Variants in NRXN1 observed in about 807,000 individuals in gnomAD.
The protein encoded by NRXN1 is neurexin-1.
Under a neutral mutation model 150.9 loss-of-function variants are expected in NRXN1, and 39 were observed. The observed-to-expected ratio is 0.26, with a 90% CI of 0.20 to 0.34. The LOEUF (loss-of-function observed/expected upper bound fraction) is 0.34. NRXN1 is among the 10% of genes least tolerant of loss of function. NRXN1 has a pLI of 1.00. For synonymous variants in NRXN1, 924 were observed against 757.0 expected (o/e 1.22, Z -3.62); for missense variants, 1,815 against 1,949.9 (o/e 0.93, Z 1.30).
chr2:49,976,855 A>G (rs183416408), intron 21 of NRXN1, among the ~76,000 whole-genome samples: 1 of 152,298 alleles, frequency 6.6e-6, no homozygotes. Flanking sequence ...TGATTTGTAT[A>G]TTTACCCAGA....
At chr2:50,104,550 C>G (rs533915560) in intron 18 of NRXN1, among the ~76,000 whole-genome samples, 1 of 151,904 alleles carries the variant, frequency 6.6e-6, no homozygotes, top group South Asian at 2.1e-4. Flanking sequence ...GCAGCAGATG[C>G]GTGATGATGA....
Position 50,056,591 on chromosome 2 carries a change from A to G in NRXN1, c.3719-1547T>C, listed in dbSNP as rs565298189. Among the ~76,000 whole-genome samples the G allele has an allele frequency of 3.3e-5, 5 of 152,262 alleles. No individual in the cohort carries two copies. In the South Asian group the frequency reaches 8.3e-4, roughly 25 times the overall value. On this transcript the variant is annotated intron_variant, in intron 19 of 22. Coordinates refer to ENST00000401669, the MANE Select transcript of NRXN1 (RefSeq NM_001330078.2). The stretch of plus-strand genomic sequence containing the variant: ...TAATAATTTTTTTAAAAGGACACAA[A>G]TGGTACAAAATTCCAACCCTGTCTT...
At chr2:50,557,316 A>G (rs1402029530) in intron 8 of NRXN1, among the ~76,000 whole-genome samples, 2 of 152,222 alleles carry the variant, frequency 1.3e-5, no homozygotes, top group Non-Finnish European at 2.9e-5. Flanking sequence ...AAGACTTTTC[A>G]TTACTTAACT....
intron 19 of NRXN1, among the ~76,000 whole-genome samples, chr2:50,055,628 T>C (rs1693475470): frequency 6.6e-6 from 1 of 152,182 alleles, no homozygotes; most frequent in Non-Finnish European, 1.5e-5. Context: ...CAAATTGATT[T>C]ATCAATCACT....
chr2:49,976,680 A>G (rs991085894), intron 21 of NRXN1, among the ~76,000 whole-genome samples: 7 of 152,140 alleles, frequency 4.6e-5, no homozygotes, highest in African/African-American at 1.7e-4. Context: ...GGTTCTGGCA[A>G]TCTCTGCTGA....
intron 15 of NRXN1, among the ~76,000 whole-genome samples, chr2:50,488,519 G>A (rs1184536311): frequency 2.6e-5 from 4 of 152,180 alleles, no homozygotes; most frequent in African/African-American, 9.6e-5. Flanking sequence ...AGCCCCAGTA[G>A]AGACCAAGTG....
chr2:49,978,668 G>A (rs1216947236), intron 21 of NRXN1, among the ~76,000 whole-genome samples: 24 of 147,352 alleles, frequency 1.6e-4, no homozygotes, highest in African/African-American at 5.3e-4. Flanking sequence ...GGGAGGGAGG[G>A]CAGAGGAGAG....
chr2:50,376,817 C>A (rs954043392), intron 17 of NRXN1, among the ~76,000 whole-genome samples: 8 of 152,074 alleles, frequency 5.3e-5, no homozygotes, highest in African/African-American at 1.9e-4. Context: ...AACTTAACAA[C>A]CATTCCAATC....
chr2:50,182,141 C>A (rs6712102), intron 18 of NRXN1, among the ~76,000 whole-genome samples: 34,626 of 136,118 alleles, frequency 0.25, 5,083 homozygotes, highest in East Asian at 0.42. Context: ...TAGATTTTAT[C>A]AAAACCATAT....
chr2:49,993,045 A>G (rs1211582760), intron 21 of NRXN1, among the ~76,000 whole-genome samples: 1 of 152,202 alleles, frequency 6.6e-6, no homozygotes, highest in East Asian at 1.9e-4. Flanking sequence ...CAATCCAGCA[A>G]TCACTCTGCT....
intron 8 of NRXN1, among the ~76,000 whole-genome samples, chr2:50,599,767 G>T (rs966757086): frequency 6.6e-6 from 1 of 152,160 alleles, no homozygotes; most frequent in African/African-American, 2.4e-5. Flanking sequence ...GAAACGCCTG[G>T]ATGTTTCCTA....
chr2:50,894,979 T>C lies in NRXN1; in HGVS notation c.832+26890A>G, dbSNP rs76076632. ...CTCCTTCATGTTATTCCATATCTCA[T>C]GCTTACATCAAATGCAATTACTACT... On this transcript the variant is annotated intron_variant, in intron 5 of 22. Transcript: ENST00000401669. 8.4e-3 allele frequency among the ~76,000 whole-genome samples: 1,276 copies of C among 152,294 alleles called. 20 individuals carry two copies. The highest frequency in any genetic ancestry group is 0.03 in the African/African-American group (1,228 of 41,556).
rs184870922 is a variant in NRXN1, at chr2:49,921,371, T to G, written c.*573A>C. ...CACAACCAGAAAGGGGCTTTTTGAATGTGTTCCTACACAAGTCTTCAAAAA... is the reference window on the plus strand; with the variant it reads ...CACAACCAGAAAGGGGCTTTTTGAAGGTGTTCCTACACAAGTCTTCAAAAA... On this transcript the variant is annotated 3_prime_UTR_variant, in exon 23 of 23. Transcript: ENST00000401669. The G allele has an allele frequency of 3.4e-3, 519 of 152,696 alleles. 1 individual carries two copies. Among genetic ancestry groups the G allele is most frequent in the Non-Finnish European group, 1.9e-3 (129 of 68,030 alleles). The allele number at this position is 152,696 out of a possible 1,614,324, so 9.5% of individuals were successfully genotyped here.
rs9309199 is a variant in NRXN1, at chr2:50,786,509, T to A, written c.832+135360A>T. Among the ~76,000 whole-genome samples, 7 of 151,866 alleles carry A rather than the reference T, an allele frequency of 4.6e-5. No homozygotes were observed. The East Asian group carries it at 7.8e-4, about 17-fold the overall frequency. On this transcript the variant is annotated intron_variant, in intron 5 of 22. Coordinates refer to ENST00000401669, the MANE Select transcript of NRXN1 (RefSeq NM_001330078.2). ...TTTCATAAATGGAACAAATGAAGAC[T>A]AATGATCCTTTCTTTATCTCTAAGC...
chr2:50,876,435 T>G (rs1678601861), intron 5 of NRXN1, among the ~76,000 whole-genome samples: 1 of 151,864 alleles, frequency 6.6e-6, no homozygotes, highest in Admixed American at 6.6e-5. Flanking sequence ...TCCAACAAAT[T>G]CTTTTTTAAT....
intron 17 of NRXN1, among the ~76,000 whole-genome samples, chr2:50,400,711 G>A (rs756627273): frequency 2.6e-5 from 4 of 152,120 alleles, no homozygotes; most frequent in Non-Finnish European, 4.4e-5. Flanking sequence ...TATCAAGAAA[G>A]TATCTGCTAG....
chr2:50,223,965 T>A (rs1304077987), intron 18 of NRXN1, among the ~76,000 whole-genome samples: 1 of 151,916 alleles, frequency 6.6e-6, no homozygotes, highest in Non-Finnish European at 1.5e-5. Context: ...AGTTCTACAT[T>A]TAGGCACAAC....
chr2:50,827,863 C>T (rs898527311), intron 5 of NRXN1, among the ~76,000 whole-genome samples: 1 of 149,474 alleles, frequency 6.7e-6, no homozygotes, highest in Non-Finnish European at 1.5e-5. Flanking sequence ...TTGCACCGCC[C>T]TTAATCCATT....
chr2:50,044,752 T>G (rs1426634198), intron 21 of NRXN1, among the ~76,000 whole-genome samples: 1 of 152,130 alleles, frequency 6.6e-6, no homozygotes, highest in South Asian at 2.1e-4. Context: ...AATCCTGAAT[T>G]GCTAGGTATT....
Sources: gnomAD v4.1 joint callset for allele counts (sites outside exome capture counted in the v4.1 genomes callset) on GRCh38, gnomAD v4.1.1 for gene constraint, MANE v1.5 for transcripts, NCBI Gene and HGNC (gene_info 2026-07-23, HGNC 2026-07-21) for gene names.